Variants in ME1 observed in about 807,000 individuals in gnomAD.
ME1 encodes the protein NADP-dependent malic enzyme.
A neutral mutation model predicts 66.4 loss-of-function variants in ME1; 74 were observed. The ratio of observed to expected loss-of-function variants is 1.11; its 90% CI spans 0.92 to 1.35. The LOEUF is 1.35. Among genes scored for constraint, ME1 ranks in the 40% most tolerant of loss-of-function variants. The pLI, the probability that ME1 is intolerant of heterozygous loss-of-function variation, is 0.00. For missense variants in ME1, 750 were observed against 694.1 expected (o/e 1.08, Z -0.90); for synonymous variants, 251 against 235.6 (o/e 1.07, Z -0.60).
At chr6:83,327,515 C>T (rs1768320781) in intron 5 of ME1, among the ~76,000 whole-genome samples, 1 of 152,166 alleles carries the variant, frequency 6.6e-6, no homozygotes, top group South Asian at 2.1e-4. Context: ...AAATAGACTC[C>T]AGTCTCCCAT....
chr6:83,222,120 C>A (rs1453294199), intron 12 of ME1, among the ~76,000 whole-genome samples: 1 of 152,130 alleles, frequency 6.6e-6, no homozygotes, highest in Non-Finnish European at 1.5e-5. Context: ...CTGACTACTG[C>A]AGGTAACCAA....
intron 3 of ME1, among the ~76,000 whole-genome samples, chr6:83,363,148 T>C (rs567191360): frequency 8.7e-4 from 133 of 152,242 alleles, no homozygotes; most frequent in African/African-American, 3.1e-3. Flanking sequence ...CACCATCATC[T>C]CTAGTGATCC....
intron 4 of ME1, among the ~76,000 whole-genome samples, chr6:83,349,545 A>G (rs1199775850): frequency 1.3e-5 from 2 of 152,200 alleles, no homozygotes; most frequent in Non-Finnish European, 2.9e-5. Context: ...CTGAACACAC[A>G]AAGATACTCT....
chr6:83,273,785 T>A (rs1445097216), intron 6 of ME1, among the ~76,000 whole-genome samples: 1 of 152,214 alleles, frequency 6.6e-6, no homozygotes, highest in Non-Finnish European at 1.5e-5. Flanking sequence ...TATGACACCA[T>A]CTCTGCTGCT....
At chr6:83,412,547 A>G (rs747059265) in intron 1 of ME1, among the ~76,000 whole-genome samples, 9 of 152,234 alleles carry the variant, frequency 5.9e-5, no homozygotes, top group Non-Finnish European at 1.2e-4. Context: ...AAGGTTAAAA[A>G]TGGTAGAAAG....
rs1767072034 is a variant in ME1 at position 83,270,978 on chromosome 6, T to G, written c.705-17240A>C. 2.6e-5 allele frequency among the ~76,000 whole-genome samples: 4 copies of G among 151,660 alleles called. No individual in the cohort carries two copies. The Middle Eastern group carries it at 0.014, about 516-fold the overall frequency. On this transcript the variant is annotated intron_variant, in intron 6 of 13. Transcript: ENST00000369705. ...AATTTATAATCAAAGCCAAACAAAT[T>G]TAGTTAATTTCAAATGAAGTAAAGT...
chr6:83,308,477 TAAA>T (rs5877840), intron 6 of ME1, among the ~76,000 whole-genome samples: 1 of 137,436 alleles, frequency 7.3e-6, no homozygotes, highest in Non-Finnish European at 1.6e-5. Context: ...ACTGATTCTG[TAAA>T]AAAAAAAAAA....
At chr6:83,388,492 G>A (rs981686814) in intron 3 of ME1, among the ~76,000 whole-genome samples, 2 of 152,094 alleles carry the variant, frequency 1.3e-5, no homozygotes, top group Admixed American at 6.6e-5. Flanking sequence ...AATTATACCA[G>A]TAACAATAAC....
intron 6 of ME1, among the ~76,000 whole-genome samples, chr6:83,260,135 T>C (rs142173054): frequency 6.6e-6 from 1 of 151,488 alleles, no homozygotes; most frequent in African/African-American, 2.4e-5. Context: ...TCTAAAAGCA[T>C]CTATAGAATC....
chr6:83,320,092 A>G (rs931584870), intron 5 of ME1, among the ~76,000 whole-genome samples: 2 of 152,308 alleles, frequency 1.3e-5, no homozygotes, highest in Admixed American at 6.5e-5. Flanking sequence ...AATGTGACCA[A>G]TTTCTGAAGA....
chr6:83,372,615 T>A (rs1769210062), intron 3 of ME1, among the ~76,000 whole-genome samples: 2 of 152,298 alleles, frequency 1.3e-5, no homozygotes, highest in Non-Finnish European at 2.9e-5. Flanking sequence ...CCTTTGGGAT[T>A]TTACTGGATT....
At chr6:83,340,005 C>CAA (rs1483575096) in intron 5 of ME1, among the ~76,000 whole-genome samples, 1 of 149,580 alleles carries the variant, frequency 6.7e-6, no homozygotes, top group African/African-American at 2.5e-5. Flanking sequence ...ATGTGAAATA[C>CAA]TATATAACAT....
chr6:83,407,638 A>T (rs1413027320), intron 2 of ME1, 130 bp downstream of exon 2: 43 of 885,696 alleles, frequency 4.9e-5, no homozygotes, highest in Non-Finnish European at 6.4e-5. Flanking sequence ...CATTGTGTTT[A>T]CAGGAAAATT....
At chr6:83,396,086 T>C (rs893593939) in intron 3 of ME1, among the ~76,000 whole-genome samples, 13 of 151,786 alleles carry the variant, frequency 8.6e-5, no homozygotes, top group Admixed American at 4.6e-4. Flanking sequence ...AAAGGGTGGG[T>C]GTGGTGGCTC....
intron 5 of ME1, among the ~76,000 whole-genome samples, chr6:83,324,969 A>G (rs1768259022): frequency 6.6e-6 from 1 of 151,168 alleles, no homozygotes; most frequent in South Asian, 2.1e-4. Flanking sequence ...AGTCCTCAAT[A>G]AAATACTTGC....
intron 3 of ME1, among the ~76,000 whole-genome samples, chr6:83,365,752 T>G (rs1769091063): frequency 6.6e-6 from 1 of 152,106 alleles, no homozygotes. Flanking sequence ...ATTAGTACAC[T>G]TTCATTTGCT....
intron 7 of ME1, 32 bp downstream of exon 7, chr6:83,253,597 T>C (rs779524894): frequency 1.9e-6 from 2 of 1,031,348 alleles, no homozygotes; most frequent in South Asian, 1.3e-5. Flanking sequence ...TCAGACATGT[T>C]ATTGATCCAT....
rs35778458 is a variant in ME1, at chr6:83,352,145, GAA to G, written c.363-8_363-7del. 0.025 allele frequency: 22,677 copies of G among 924,880 alleles called. No individual in the cohort carries two copies. Among genetic ancestry groups the G allele is most frequent in the Middle Eastern group, 0.036 (121 of 3,396 alleles). The allele number at this position is 924,880 out of a possible 1,614,324, so 57.3% of individuals were successfully genotyped here. A position where few individuals can be genotyped will look rare whatever the true frequency, so the allele number is the denominator to read the frequency against. On this transcript the variant is annotated splice_region_variant and splice_polypyrimidine_tract_variant and intron_variant, in intron 3 of 13. Coordinates refer to ENST00000369705, the MANE Select transcript of ME1 (RefSeq NM_002395.6). ...GGATAGTAATAAAGAGACCTCTGCA[GAA>G]AAAAAAAAAAAAAAAGGAGTAGTTT...
chr6:83,269,825 T>A (rs1767054144), intron 6 of ME1, among the ~76,000 whole-genome samples: 1 of 152,176 alleles, frequency 6.6e-6, no homozygotes, highest in African/African-American at 2.4e-5. Flanking sequence ...TCTTCAGTTT[T>A]TAAACTAGGA....
Sources: allele counts gnomAD v4.1 joint callset (sites outside exome capture counted in the v4.1 genomes callset), GRCh38; gene constraint gnomAD v4.1.1; transcripts MANE v1.5; gene names NCBI Gene and HGNC (gene_info 2026-07-23, HGNC 2026-07-21).